DNAH14: variants seen among roughly 807,000 people sequenced by gnomAD.
DNAH14 encodes dynein axonemal heavy chain 14, also known as axonemal beta dynein heavy chain 14.
In DNAH14, 478 loss-of-function variants were observed where a neutral mutation model predicts 520.9. The observed-to-expected ratio is 0.92, with a 90% CI of 0.85 to 0.99. The LOEUF (loss-of-function observed/expected upper bound fraction) is 0.99. DNAH14 is among the 50% of genes least tolerant of loss of function. The probability of loss-of-function intolerance (pLI) is 0.00; values close to 1 mark genes in which losing one functional copy is unlikely to be tolerated. For missense variants in DNAH14, 4,831 were observed against 5,234.5 expected, an observed-to-expected ratio of 0.92 and a Z score of 2.38; for synonymous variants, 1,581 against 1,757.2, an observed-to-expected ratio of 0.90 and a Z score of 2.51.
chr1:225,164,338 G>A (rs554462480), intron 35 of DNAH14, among the ~76,000 whole-genome samples: 8 of 152,026 alleles, frequency 5.3e-5, no homozygotes, highest in African/African-American at 1.9e-4. Flanking sequence ...TTTGATGCTA[G>A]GTTTATCTTC....
intron 22 of DNAH14, among the ~76,000 whole-genome samples, chr1:225,098,202 GAA>G (rs549695780): frequency 1.4e-5 from 2 of 141,908 alleles, no homozygotes; most frequent in Admixed American, 7.1e-5. Context: ...ACTGTTTCAA[GAA>G]AAAAAAAAAA....
chr1:225,362,771 C>A (rs1379314086), intron 75 of DNAH14, among the ~76,000 whole-genome samples: 6 of 152,024 alleles, frequency 3.9e-5, no homozygotes, highest in Admixed American at 3.9e-4. Flanking sequence ...GACCACTCTA[C>A]CAGTCCACAG....
intron 36 of DNAH14, among the ~76,000 whole-genome samples, chr1:225,170,116 G>A (rs2082451869): frequency 6.6e-6 from 1 of 152,126 alleles, no homozygotes; most frequent in Admixed American, 6.5e-5. Context: ...GCTCCTGAAG[G>A]AAGCACTAAA....
intron 71 of DNAH14, among the ~76,000 whole-genome samples, chr1:225,347,784 T>TG (rs1349568839): frequency 6.6e-6 from 1 of 151,912 alleles, no homozygotes; most frequent in Non-Finnish European, 1.5e-5. Flanking sequence ...ATGCCAATCC[T>TG]GGAAAAAAAG....
At chr1:225,016,226 A>G (rs2065208014) in intron 10 of DNAH14, among the ~76,000 whole-genome samples, 2 of 152,162 alleles carry the variant, frequency 1.3e-5, no homozygotes, top group Admixed American at 6.5e-5. Flanking sequence ...TAACTTTTTA[A>G]GTTTAATTTA....
intron 69 of DNAH14, among the ~76,000 whole-genome samples, chr1:225,342,683 A>AACACAC (rs10572962): frequency 3.5e-4 from 52 of 148,132 alleles, no homozygotes; most frequent in East Asian, 1.8e-3. Flanking sequence ...ATTTCTCATA[A>AACACAC]ACACACACAC....
In DNAH14 at chr1:225,043,913, T is replaced by C; in HGVS notation, c.1842T>C (p.Phe614=). ...YEFPEFPTNL[F]IDPNRLEFSV... ...TTCCAGAATTTCCTACAAATCTCTTTATAGATCCCAACAGATTGGAGTTTT... is the reference window on the plus strand; with the variant it reads ...TTCCAGAATTTCCTACAAATCTCTTCATAGATCCCAACAGATTGGAGTTTT... The change falls in exon 15 of 86, where the codon TTT becomes TTC. Residue 614 remains phenylalanine, a synonymous_variant. Transcript: ENST00000682510. The C allele has an allele frequency of 6.5e-7, 1 of 1,529,056 alleles. No individual in the cohort carries two copies. Among genetic ancestry groups the C allele is most frequent in the South Asian group, 1.2e-5 (1 of 81,472 alleles). 94.7% of individuals were successfully genotyped at this position (1,529,056 alleles called of 1,614,324 possible).
intron 17 of DNAH14, among the ~76,000 whole-genome samples, chr1:225,072,109 C>T (rs980649564): frequency 6.6e-6 from 1 of 152,152 alleles, no homozygotes; most frequent in Non-Finnish European, 1.5e-5. Flanking sequence ...TGGGGAAGTT[C>T]TCATGGATGA....
At chr1:224,982,427 C>T (rs980441073) in intron 8 of DNAH14, among the ~76,000 whole-genome samples, 2 of 152,080 alleles carry the variant, frequency 1.3e-5, no homozygotes, top group Non-Finnish European at 2.9e-5. Context: ...ACTGGTGCCA[C>T]GTGTGAGGAA....
chr1:225,026,264 TTTTATTTTTATTTAA>T (rs1395762658), intron 11 of DNAH14, among the ~76,000 whole-genome samples: 1 of 151,726 alleles, frequency 6.6e-6, no homozygotes. Context: ...TAATTTTTAA[TTTTATTTTTATTTAA>T]TTTAACTTGT....
chr1:224,977,956 A>T (rs1481995583), intron 8 of DNAH14, among the ~76,000 whole-genome samples: 1 of 152,224 alleles, frequency 6.6e-6, no homozygotes. Flanking sequence ...AGTCAAAACC[A>T]CAATGAGATA....
At chr1:224,940,813 C>A (rs1003894827) in intron 1 of DNAH14, among the ~76,000 whole-genome samples, 1 of 152,058 alleles carries the variant, frequency 6.6e-6, no homozygotes, top group African/African-American at 2.4e-5. Context: ...ATGATGGTTT[C>A]CACCTTCATC....
chr1:225,022,503 A>G (rs1312991061), intron 10 of DNAH14, among the ~76,000 whole-genome samples: 1 of 152,184 alleles, frequency 6.6e-6, no homozygotes, highest in South Asian at 2.1e-4. Context: ...TATTAAAAAT[A>G]TGACCACCAA....
At chr1:225,037,434 A>G (rs554958601) in intron 11 of DNAH14, among the ~76,000 whole-genome samples, 198 of 152,274 alleles carry the variant, frequency 1.3e-3, no homozygotes, top group Non-Finnish European at 2.3e-3. Flanking sequence ...TAAATAATAT[A>G]ACCCATTATT....
intron 22 of DNAH14, among the ~76,000 whole-genome samples, chr1:225,099,896 C>T (rs1558952383): frequency 6.6e-6 from 1 of 152,062 alleles, no homozygotes; most frequent in African/African-American, 2.4e-5. Flanking sequence ...AAAAAAGTCC[C>T]TCTAAATTCC....
chr1:225,359,619 G>C (rs988363280), intron 74 of DNAH14, among the ~76,000 whole-genome samples: 2 of 152,090 alleles, frequency 1.3e-5, no homozygotes, highest in African/African-American at 4.8e-5. Flanking sequence ...GCCTCCACCT[G>C]GAGGCTTCTC....
At chr1:225,099,267 C>T (rs1033889167) in intron 22 of DNAH14, among the ~76,000 whole-genome samples, 3 of 152,080 alleles carry the variant, frequency 2.0e-5, no homozygotes, top group African/African-American at 7.2e-5. Flanking sequence ...ACATGTATTT[C>T]CCTAGAGTGT....
chr1:225,122,334 G>GACA (rs2077365883), intron 26 of DNAH14, among the ~76,000 whole-genome samples: 1 of 152,158 alleles, frequency 6.6e-6, no homozygotes, highest in African/African-American at 2.4e-5. Context: ...GGTTGCAACT[G>GACA]ACAAGCAGGG....
intron 46 of DNAH14, among the ~76,000 whole-genome samples, chr1:225,261,544 T>G (rs183121099): frequency 4.6e-5 from 7 of 152,228 alleles, no homozygotes; most frequent in African/African-American, 1.7e-4. Flanking sequence ...TTTGGTTTTA[T>G]TAGTCTTTTG....
Sources: gnomAD v4.1 joint callset for allele counts (sites outside exome capture counted in the v4.1 genomes callset) on GRCh38, gnomAD v4.1.1 for gene constraint, MANE v1.5 for transcripts, NCBI Gene and HGNC (gene_info 2026-07-23, HGNC 2026-07-21) for gene names.